The following PIEZO2 variants were observed in gnomAD, a reference collection of about 807,000 sequenced individuals.
The protein encoded by PIEZO2 is piezo type mechanosensitive ion channel component 2.
A neutral mutation model predicts 337.3 loss-of-function variants in PIEZO2; 172 were observed. The observed-to-expected ratio is 0.51, with a 90% CI of 0.45 to 0.58. The LOEUF is 0.58. Ranked by LOEUF, PIEZO2 falls within the 20% of genes least tolerant of loss-of-function variation. The pLI, the probability that PIEZO2 is intolerant of heterozygous loss-of-function variation, is 0.00. For synonymous variants in PIEZO2, 1,251 were observed against 1,228.5 expected (o/e 1.02, Z -0.38); for missense variants, 3,028 against 3,391.3 (o/e 0.89, Z 2.66).
chr18:11,068,209 C>G (rs1023224715), intron 1 of PIEZO2, among the ~76,000 whole-genome samples: 1 of 152,136 alleles, frequency 6.6e-6, no homozygotes, highest in African/African-American at 2.4e-5. Flanking sequence ...TGTGAGCCAC[C>G]GCACCCGGCA....
At chr18:10,975,581 A>G (rs182416634) in intron 3 of PIEZO2, among the ~76,000 whole-genome samples, 2 of 152,300 alleles carry the variant, frequency 1.3e-5, no homozygotes, top group African/African-American at 4.8e-5. Flanking sequence ...GGTGGTTTGA[A>G]AAAATCTTTA....
At chr18:10,744,284 C>T in intron 30 of PIEZO2, 53 bp from the exon 31 acceptor site, 2 of 1,169,372 alleles carry the variant, frequency 1.7e-6, no homozygotes, top group East Asian at 2.6e-5. Context: ...ATTGTTGTTC[C>T]CCTTTTCCTG....
intron 3 of PIEZO2, among the ~76,000 whole-genome samples, chr18:10,967,825 A>G (rs933429778): frequency 5.9e-5 from 9 of 152,112 alleles, no homozygotes; most frequent in African/African-American, 2.2e-4. Context: ...AGTTCCTTAT[A>G]GATTCTGGTT....
chr18:10,817,665 T>A (rs996931593), intron 7 of PIEZO2, among the ~76,000 whole-genome samples: 4 of 152,320 alleles, frequency 2.6e-5, no homozygotes, highest in African/African-American at 9.6e-5. Flanking sequence ...GGCTCACGCC[T>A]GTAATCCTAG....
chr18:10,958,344 G>A (rs1362324176), intron 3 of PIEZO2, among the ~76,000 whole-genome samples: 2 of 152,088 alleles, frequency 1.3e-5, no homozygotes, highest in Non-Finnish European at 2.9e-5. Flanking sequence ...ATCAGGGGCT[G>A]GGGTAAAGGG....
chr18:10,852,868 G>A (rs747891376), intron 7 of PIEZO2, among the ~76,000 whole-genome samples: 3 of 152,250 alleles, frequency 2.0e-5, no homozygotes, highest in African/African-American at 2.4e-5. Context: ...AACCGGGAAC[G>A]TCAGGAGACC....
At chr18:10,968,928 CAAG>C (rs1436059815) in intron 3 of PIEZO2, among the ~76,000 whole-genome samples, 1 of 152,124 alleles carries the variant, frequency 6.6e-6, no homozygotes, top group Non-Finnish European at 1.5e-5. Context: ...TATTCAAAAT[CAAG>C]AAGAATTGTC....
chr18:10,684,140 T>C (rs2034416095), intron 49 of PIEZO2, among the ~76,000 whole-genome samples: 1 of 137,254 alleles, frequency 7.3e-6, no homozygotes, highest in Admixed American at 7.8e-5. Flanking sequence ...CTCTCTTTCT[T>C]TCTCTGTCTT....
chr18:10,760,716 G>A (rs530238913), intron 24 of PIEZO2, among the ~76,000 whole-genome samples, 195 bp downstream of exon 24: 1 of 152,316 alleles, frequency 6.6e-6, no homozygotes, highest in South Asian at 2.1e-4. Flanking sequence ...TGTGGAGGGG[G>A]GTGTTCAGCA....
At chr18:10,691,112 G>A in intron 48 of PIEZO2, 113 bp downstream of exon 48, 2 of 1,227,662 alleles carry the variant, frequency 1.6e-6, no homozygotes, top group Middle Eastern at 2.7e-4. Context: ...GTTCCACAAC[G>A]ATTCCCACTG....
At chr18:10,857,705 T>G (rs1445062978) in intron 5 of PIEZO2, among the ~76,000 whole-genome samples, 1 of 152,216 alleles carries the variant, frequency 6.6e-6, no homozygotes, top group East Asian at 1.9e-4. Flanking sequence ...TGTGGAAGGA[T>G]GAGTGGTCCC....
intron 2 of PIEZO2, among the ~76,000 whole-genome samples, chr18:11,051,844 C>G (rs2037548176): frequency 6.6e-6 from 1 of 152,180 alleles, no homozygotes; most frequent in Non-Finnish European, 1.5e-5. Flanking sequence ...GAATTTATGA[C>G]CTGGTGCATG....
rs768929894 is a variant in PIEZO2, at chr18:11,028,670, T to C, written c.160+37457A>G. On this transcript the variant is annotated intron_variant, in intron 2 of 55. Transcript: ENST00000674853. This position sits in a 1 kb window ranked among gnomAD's most constrained non-coding sequence, Gnocchi z 4.8. The stretch of plus-strand genomic sequence containing the variant: ...TTGAGGACAGTAAAACTGTGCAGTA[T>C]TAGGGATATATGTTTCCTTAGATAG... 3.2e-4 allele frequency among the ~76,000 whole-genome samples: 49 copies of C among 152,324 alleles called. No individual in the cohort carries two copies. The highest frequency in any genetic ancestry group is 2.1e-3 in the South Asian group (10 of 4,826).
intron 3 of PIEZO2, among the ~76,000 whole-genome samples, chr18:10,960,487 A>G (rs1282297054): frequency 6.6e-6 from 1 of 152,150 alleles, no homozygotes; most frequent in Non-Finnish European, 1.5e-5. Flanking sequence ...GACACAGGGT[A>G]TCATAACACC....
chr18:10,838,827 C>A, intron 7 of PIEZO2, among the ~76,000 whole-genome samples: 1 of 152,330 alleles, frequency 6.6e-6, no homozygotes, highest in Middle Eastern at 3.4e-3. Flanking sequence ...GTCTTCCACA[C>A]TCCTGGGTTA....
Position 10,847,289 on chromosome 18 carries a change from C to T in PIEZO2, c.917+8064G>A, listed in dbSNP as rs1180399948. 6.6e-6 allele frequency among the ~76,000 whole-genome samples: 1 copy of T among 152,180 alleles called. No homozygotes were observed. The highest frequency in any genetic ancestry group is 1.5e-5 in the Non-Finnish European group (1 of 68,032). ...TAGCTATGGACCCTTTAGAATGAGT[C>T]ACTGAGTCTGGCTAACTGTGGGGAA... On this transcript the variant is annotated intron_variant, in intron 7 of 55. Coordinates refer to ENST00000674853, the MANE Select transcript of PIEZO2 (RefSeq NM_001378183.1). This position sits in a 1 kb window ranked among gnomAD's most constrained non-coding sequence, Gnocchi z 5.7.
At chr18:11,006,974 A>T (rs1034957410) in intron 2 of PIEZO2, among the ~76,000 whole-genome samples, 1 of 152,198 alleles carries the variant, frequency 6.6e-6, no homozygotes, top group Admixed American at 6.5e-5. Flanking sequence ...TGATCAAATC[A>T]GGGTAACTGG....
rs1186803145 is a variant in PIEZO2, at chr18:10,815,580, C to T, written c.918-8306G>A. 2.0e-5 allele frequency among the ~76,000 whole-genome samples: 3 copies of T among 152,096 alleles called. No homozygotes were observed. The highest frequency in any genetic ancestry group is 7.2e-5 in the African/African-American group (3 of 41,398). ...TGTAAGCTACAGGGTCACCAGATTT[C>T]TTATGTGATAGATATCAATTTCTTC... On this transcript the variant is annotated intron_variant, in intron 7 of 55. Coordinates refer to ENST00000674853, the MANE Select transcript of PIEZO2 (RefSeq NM_001378183.1). The surrounding 1 kb of genome is among the most constrained non-coding windows in gnomAD (Gnocchi z 4.1).
chr18:10,975,174 G>C (rs1453106284), intron 3 of PIEZO2, among the ~76,000 whole-genome samples: 5 of 152,162 alleles, frequency 3.3e-5, no homozygotes, highest in Non-Finnish European at 7.3e-5. Flanking sequence ...TCCCTATATA[G>C]TTTCTAACTC....
Sources: allele counts gnomAD v4.1 joint callset (sites outside exome capture counted in the v4.1 genomes callset), GRCh38; gene constraint gnomAD v4.1.1; non-coding constraint Gnocchi (gnomAD v3.1); transcripts MANE v1.5; gene names NCBI Gene and HGNC (gene_info 2026-07-23, HGNC 2026-07-21).